MAGI2: variants seen among roughly 807,000 people sequenced by gnomAD.
MAGI2 encodes membrane-associated guanylate kinase, WW and PDZ domain-containing protein 2.
A neutral mutation model predicts 133.3 loss-of-function variants in MAGI2; 35 were observed. That is an observed-to-expected ratio of 0.26 (90% CI 0.20 to 0.35). The LOEUF (loss-of-function observed/expected upper bound fraction) is 0.35, where lower values mean the gene tolerates loss of function less well. Among genes scored for constraint, MAGI2 ranks in the 10% least tolerant of loss-of-function variants. MAGI2 has a pLI of 1.00. For synonymous variants in MAGI2, 729 were observed against 710.6 expected, an observed-to-expected ratio of 1.03 and a Z score of -0.41; for missense variants, 1,636 against 1,863.4, an observed-to-expected ratio of 0.88 and a Z score of 2.25.
chr7:78,987,350 C>T (rs374251304), intron 2 of MAGI2, among the ~76,000 whole-genome samples: 2 of 151,998 alleles, frequency 1.3e-5, no homozygotes, highest in African/African-American at 4.8e-5. Context: ...GTTAATTTAA[C>T]GACATTAATG....
At position 78,573,052 on chromosome 7, in the gene MAGI2, T is replaced by TGC. The variant is rs1563187476; in HGVS notation, c.539-51408_539-51407insGC. 2.0e-3 allele frequency among the ~76,000 whole-genome samples: 200 copies of TGC among 99,916 alleles called. 2 individuals carry two copies. Among genetic ancestry groups the TGC allele is most frequent in the African/African-American group, 7.9e-3 (197 of 24,930 alleles). The allele number at this position is 99,916 out of a possible 152,430, so 65.5% of individuals were successfully genotyped here. ...ATATGTATGTATATATATATATATA[T>TGC]ATATATATATATATATATATATATA... On this transcript the variant is annotated intron_variant, in intron 3 of 21. Coordinates refer to ENST00000354212, the MANE Select transcript of MAGI2 (RefSeq NM_012301.4).
At chr7:78,700,911 A>G (rs1817998531) in intron 2 of MAGI2, among the ~76,000 whole-genome samples, 1 of 151,224 alleles carries the variant, frequency 6.6e-6, no homozygotes, top group South Asian at 2.1e-4. Flanking sequence ...AAAGTAATAT[A>G]TTAAATTTAA....
At chr7:78,144,901 G>A (rs924144061) in intron 16 of MAGI2, among the ~76,000 whole-genome samples, 1 of 151,924 alleles carries the variant, frequency 6.6e-6, no homozygotes, top group South Asian at 2.1e-4. Flanking sequence ...CCCCCCATGT[G>A]CTCTGGTGTG....
chr7:79,417,008 A>T lies in MAGI2; in HGVS notation c.301+36012T>A, dbSNP rs533278626. ...CAGCCTCCCAAAGTGCTGGAATTAC[A>T]GGCATGAGCCACCATGCCCGGCCTG... On this transcript the variant is annotated intron_variant, in intron 1 of 21. Transcript: ENST00000354212. Among the ~76,000 whole-genome samples the T allele has an allele frequency of 1.1e-4, 16 of 152,038 alleles. No individual in the cohort carries two copies. In the South Asian group the frequency reaches 1.2e-3, roughly 12 times the overall value.
At chr7:78,056,347 T>C (rs189591263) in intron 21 of MAGI2, among the ~76,000 whole-genome samples, 1 of 152,340 alleles carries the variant, frequency 6.6e-6, no homozygotes, top group East Asian at 1.9e-4. Flanking sequence ...TAAATCATTC[T>C]ATTATAAAGA....
chr7:78,483,825 A>G (rs564125000), intron 6 of MAGI2, among the ~76,000 whole-genome samples: 1 of 152,062 alleles, frequency 6.6e-6, no homozygotes, highest in South Asian at 2.1e-4. Flanking sequence ...TTTTTTACAA[A>G]CATATATGAA....
intron 1 of MAGI2, among the ~76,000 whole-genome samples, chr7:79,206,678 A>G (rs1214002387): frequency 6.6e-6 from 1 of 151,976 alleles, no homozygotes; most frequent in Non-Finnish European, 1.5e-5. Flanking sequence ...ACTCTTCCAA[A>G]AAATTGAAAA....
chr7:79,057,416 A>G (rs1193271193), intron 1 of MAGI2, among the ~76,000 whole-genome samples: 1 of 152,222 alleles, frequency 6.6e-6, no homozygotes, highest in Admixed American at 6.5e-5. Flanking sequence ...ATCTAGATTA[A>G]TGTACAAATT....
chr7:78,816,339 G>T (rs1220570231), intron 2 of MAGI2, among the ~76,000 whole-genome samples: 1 of 152,182 alleles, frequency 6.6e-6, no homozygotes, highest in South Asian at 2.1e-4. Context: ...ACCAAGTGCC[G>T]ATGTAAAGCT....
intron 6 of MAGI2, among the ~76,000 whole-genome samples, chr7:78,406,914 T>G (rs1039822543): frequency 4.6e-5 from 7 of 152,080 alleles, no homozygotes; most frequent in African/African-American, 1.4e-4. Context: ...CTGTATAAGA[T>G]TATACACACC....
chr7:79,117,728 G>T (rs1246036829), intron 1 of MAGI2, among the ~76,000 whole-genome samples: 1 of 152,084 alleles, frequency 6.6e-6, no homozygotes, highest in Non-Finnish European at 1.5e-5. Flanking sequence ...ACTTTGAAAA[G>T]AAAAAACAAA....
At chr7:78,758,393 A>G (rs532520601) in intron 2 of MAGI2, among the ~76,000 whole-genome samples, 1 of 152,312 alleles carries the variant, frequency 6.6e-6, no homozygotes, top group African/African-American at 2.4e-5. Context: ...CCATTTAAAA[A>G]TCAAACAAAC....
Position 79,150,531 on chromosome 7 carries a change from T to C in MAGI2, c.302-143325A>G, listed in dbSNP as rs576563458. 1.9e-4 allele frequency among the ~76,000 whole-genome samples: 29 copies of C among 152,344 alleles called. No homozygotes were observed. The South Asian group carries it at 2.1e-3, about 11-fold the overall frequency. On this transcript the variant is annotated intron_variant, in intron 1 of 21. Coordinates refer to ENST00000354212, the MANE Select transcript of MAGI2 (RefSeq NM_012301.4). ...ATACTTGTCAAATGACTCATTTGTC[T>C]CTGTATAAAAGAGAACTTTATCAAT...
At chr7:78,687,298 T>C (rs1268994511) in intron 2 of MAGI2, among the ~76,000 whole-genome samples, 1 of 152,226 alleles carries the variant, frequency 6.6e-6, no homozygotes, top group East Asian at 1.9e-4. Context: ...TTATTTCATG[T>C]GTCAACTCTT....
At chr7:78,218,003 C>G (rs1001295796) in intron 10 of MAGI2, among the ~76,000 whole-genome samples, 1 of 152,170 alleles carries the variant, frequency 6.6e-6, no homozygotes, top group Admixed American at 6.5e-5. Flanking sequence ...AAGTTGGAGA[C>G]CCTCTGATGT....
chr7:78,174,302 C>T (rs550671194), intron 14 of MAGI2, among the ~76,000 whole-genome samples: 11 of 152,220 alleles, frequency 7.2e-5, no homozygotes, highest in East Asian at 1.9e-4. Flanking sequence ...CAGTGTATTC[C>T]GGAACAAACA....
intron 1 of MAGI2, among the ~76,000 whole-genome samples, chr7:79,391,885 C>A (rs904088608): frequency 7.2e-5 from 11 of 151,946 alleles, no homozygotes; most frequent in African/African-American, 9.7e-5. Flanking sequence ...GGGGTTTCAC[C>A]ATGTTAGCCA....
chr7:78,311,101 C>T (rs1022985348), intron 9 of MAGI2, among the ~76,000 whole-genome samples: 16 of 152,112 alleles, frequency 1.1e-4, no homozygotes, highest in African/African-American at 3.9e-4. Flanking sequence ...TGATGAGAAA[C>T]CAAAGAGCTG....
chr7:78,710,807 TCA>T (rs1430348252), intron 2 of MAGI2, among the ~76,000 whole-genome samples: 4 of 152,150 alleles, frequency 2.6e-5, no homozygotes, highest in Non-Finnish European at 5.9e-5. Context: ...ACCTATAATT[TCA>T]CAGTTTCATT....
Sources: allele counts gnomAD v4.1 joint callset (sites outside exome capture counted in the v4.1 genomes callset), GRCh38; gene constraint gnomAD v4.1.1; transcripts MANE v1.5; gene names NCBI Gene and HGNC (gene_info 2026-07-23, HGNC 2026-07-21).